The following NAT1 variants were observed in gnomAD, a reference collection of about 807,000 sequenced individuals.
NAT1 encodes arylamine N-acetyltransferase 1.
For missense variants in NAT1, 400 were observed against 339.2 expected, an observed-to-expected ratio of 1.18 and a Z score of -1.41; for synonymous variants, 144 against 122.6, an observed-to-expected ratio of 1.17 and a Z score of -1.16.
chr8:18,178,647 G>C (rs1226584707), intron 2 of NAT1, among the ~76,000 whole-genome samples: 1 of 152,148 alleles, frequency 6.6e-6, no homozygotes, highest in Admixed American at 6.6e-5. Flanking sequence ...AGTCACAGAT[G>C]AATAGAATTG....
intron 2 of NAT1, among the ~76,000 whole-genome samples, chr8:18,195,636 A>T (rs1038440785): frequency 3.3e-5 from 5 of 152,162 alleles, no homozygotes; most frequent in Non-Finnish European, 5.9e-5. Flanking sequence ...ATATTATTAA[A>T]ATTTGGAAAG....
chr8:18,214,313 A>G (rs1022218769), intron 1 of NAT1, among the ~76,000 whole-genome samples: 6 of 152,158 alleles, frequency 3.9e-5, no homozygotes, highest in African/African-American at 1.4e-4. Context: ...AGGATAGCTC[A>G]GTTATTGCAT....
Position 18,189,167 on chromosome 8 carries a change from T to C in NAT1, n.92+18428T>C, listed in dbSNP as rs924874671. 2.0e-4 allele frequency among the ~76,000 whole-genome samples: 30 copies of C among 152,108 alleles called. 1 individual carries two copies. Among genetic ancestry groups the C allele is most frequent in the Non-Finnish European group, 5.9e-5 (4 of 68,020 alleles). On this transcript the variant is annotated intron_variant and non_coding_transcript_variant, in intron 2 of 4. Transcript: ENST00000517441. ...GTTGTCAGATAATTTGCTACAGTTT[T>C]TTTCCTTGGGTAGCATTAGGGGTTC...
At chr8:18,172,468 C>A (rs6992951) in intron 2 of NAT1, among the ~76,000 whole-genome samples, 82,775 of 151,700 alleles carry the variant, frequency 0.55, 25,498 homozygotes, top group African/African-American at 0.85. Context: ...TTGTCCTTGC[C>A]GCCAGGCTTG....
chr8:18,195,889 A>G (rs1803209209), intron 2 of NAT1, among the ~76,000 whole-genome samples: 1 of 151,900 alleles, frequency 6.6e-6, no homozygotes, highest in Non-Finnish European at 1.5e-5. Flanking sequence ...ACACACATAA[A>G]TACACACACT....
chr8:18,187,327 C>T (rs1030947883), intron 2 of NAT1, among the ~76,000 whole-genome samples: 3 of 152,108 alleles, frequency 2.0e-5, no homozygotes, highest in African/African-American at 7.2e-5. Flanking sequence ...TTTCCATTGA[C>T]CCAGCAATCC....
intron 2 of NAT1, among the ~76,000 whole-genome samples, chr8:18,178,260 C>G (rs1422089972): frequency 1.3e-5 from 2 of 151,894 alleles, no homozygotes; most frequent in African/African-American, 4.8e-5. Flanking sequence ...AGCTACTTGA[C>G]AGAAAATAAT....
chr8:18,171,670 C>A lies in NAT1; in HGVS notation n.92+931C>A, dbSNP rs567697265. On this transcript the variant is annotated intron_variant and non_coding_transcript_variant, in intron 2 of 4. Transcript: ENST00000517441. ...AGAAAACAAAACAAAACAAAAAAAA[C>A]CACACCTGATTGGTCTGTTACACAA... Among the ~76,000 whole-genome samples, 17 of 151,950 alleles carry A rather than the reference C, an allele frequency of 1.1e-4. 1 individual carries two copies. The highest frequency in any genetic ancestry group is 6.2e-4 in the South Asian group (3 of 4,816).
chr8:18,202,457 C>A (rs1311049252), intron 2 of NAT1, among the ~76,000 whole-genome samples: 2 of 152,334 alleles, frequency 1.3e-5, no homozygotes, highest in African/African-American at 4.8e-5. Flanking sequence ...CTTGGTCTCA[C>A]TGACTTCAAG....
intron 2 of NAT1, among the ~76,000 whole-genome samples, chr8:18,197,360 G>C (rs1803277541): frequency 6.6e-6 from 1 of 152,144 alleles, no homozygotes; most frequent in Admixed American, 6.5e-5. Context: ...ACAGCCATCG[G>C]GGGATAACTC....
chr8:18,199,293 G>T (rs565264869), intron 2 of NAT1, among the ~76,000 whole-genome samples: 5 of 132,386 alleles, frequency 3.8e-5, no homozygotes, highest in African/African-American at 1.5e-4. Context: ...CAGCCTGGGC[G>T]ACAAAACAAG....
intron 2 of NAT1, chr8:18,200,989 C>T (rs1803435994): frequency 6.6e-6 from 1 of 152,150 alleles, no homozygotes; most frequent in Non-Finnish European, 1.5e-5. Flanking sequence ...ACTAGTAAGG[C>T]TAAGCCTATG....
At chr8:18,179,009 G>C (rs922583539) in intron 2 of NAT1, among the ~76,000 whole-genome samples, 13 of 151,976 alleles carry the variant, frequency 8.6e-5, no homozygotes, top group Admixed American at 3.9e-4. Flanking sequence ...TGTCCTTCTT[G>C]TTCCTGCGTG....
At chr8:18,219,562 A>G (rs1805073981) in intron 2 of NAT1, 73 bp downstream of exon 2, 3 of 766,940 alleles carry the variant, frequency 3.9e-6, no homozygotes, top group Non-Finnish European at 4.3e-6. Flanking sequence ...TAAGTCTTAT[A>G]TTTATGATCA....
intron 2 of NAT1, among the ~76,000 whole-genome samples, chr8:18,174,878 G>A (rs1802228975): frequency 6.6e-6 from 1 of 152,022 alleles, no homozygotes; most frequent in Admixed American, 6.6e-5. Flanking sequence ...ATAGCACTAA[G>A]AAGAGTGAGA....
chr8:18,173,599 A>G (rs17126287), intron 2 of NAT1, among the ~76,000 whole-genome samples: 39,459 of 152,082 alleles, frequency 0.26, 5,694 homozygotes, highest in African/African-American at 0.37. Context: ...TCTTCCCAGT[A>G]CTTAGGAGCC....
intron 2 of NAT1, among the ~76,000 whole-genome samples, chr8:18,221,414 T>A (rs1007513471): frequency 2.4e-4 from 36 of 151,596 alleles, no homozygotes; most frequent in African/African-American, 8.5e-4. Flanking sequence ...CTTACTACAA[T>A]CTAACAGATT....
Position 18,220,745 on chromosome 8 carries a change from C to A in NAT1, c.-7+1256C>A, listed in dbSNP as rs530062502. ...TGAATACCCCACCAGCTTCTACTCA[C>A]CAATAGCTTTGAATGAATACCCCAC... On this transcript the variant is annotated intron_variant, in intron 2 of 2. Coordinates refer to ENST00000307719, the MANE Select transcript of NAT1 (RefSeq NM_000662.8). Among the ~76,000 whole-genome samples the A allele has an allele frequency of 2.6e-5, 4 of 152,172 alleles. No homozygotes were observed. The South Asian group carries it at 6.2e-4, about 24-fold the overall frequency.
intron 2 of NAT1, among the ~76,000 whole-genome samples, chr8:18,219,793 A>C (rs1307960125): frequency 6.6e-6 from 1 of 152,194 alleles, no homozygotes; most frequent in Non-Finnish European, 1.5e-5. Context: ...GCCTCTAACA[A>C]AACTGACTTC....
Sources: allele counts gnomAD v4.1 joint callset (sites outside exome capture counted in the v4.1 genomes callset), GRCh38; gene constraint gnomAD v4.1.1; transcripts MANE v1.5; gene names NCBI Gene and HGNC (gene_info 2026-07-23, HGNC 2026-07-21).